TFDP2: variants seen among roughly 807,000 people sequenced by gnomAD.
TFDP2 encodes the protein transcription factor Dp-2 (E2F dimerization partner 2).
TFDP2 carries 17 observed loss-of-function variants against 59.3 expected under a neutral mutation model. That is an observed-to-expected ratio of 0.29 (90% CI 0.20 to 0.43). TFDP2 has a LOEUF of 0.43. Ranked by LOEUF, TFDP2 falls within the 20% of genes least tolerant of loss-of-function variation. The pLI, the probability that TFDP2 is intolerant of heterozygous loss-of-function variation, is 1.00. For synonymous variants in TFDP2, 180 were observed against 194.7 expected (o/e 0.92, Z 0.63); for missense variants, 391 against 528.8 (o/e 0.74, Z 2.56).
At position 141,952,618 on chromosome 3, in the gene TFDP2, G is replaced by C. The variant is rs777817894; in HGVS notation, c.1236C>G (p.Ser412=). The part of the protein sequence containing the change: ...GQFLAPNSHQ[S]SSAASHCSES... ...CGGAGCAGTGAGAGGCCGCACTGCT[G>C]GACTGGTGACTGTTTGGGGCCAGGA... The change falls in exon 13 of 13, where the codon TCC becomes TCG. Residue 412 remains serine, a synonymous_variant. Coordinates refer to ENST00000489671, the MANE Select transcript of TFDP2 (RefSeq NM_001178139.2). The C allele has an allele frequency of 2.5e-6, 4 of 1,591,432 alleles. No homozygotes were observed. The East Asian group carries it at 8.9e-5, about 36-fold the overall frequency.
chr3:142,094,915 G>A (rs1261932045), intron 2 of TFDP2, among the ~76,000 whole-genome samples: 1 of 152,096 alleles, frequency 6.6e-6, no homozygotes, highest in African/African-American at 2.4e-5. Context: ...AATCTGAAAA[G>A]ATTTTAAAGC....
chr3:142,126,646 T>C (rs530909810), intron 1 of TFDP2, among the ~76,000 whole-genome samples: 14 of 152,212 alleles, frequency 9.2e-5, no homozygotes, highest in Non-Finnish European at 1.9e-4. Flanking sequence ...CCATCCCTTC[T>C]TGAAATTACA....
chr3:141,953,503 C>G (rs1003563082), intron 11 of TFDP2, among the ~76,000 whole-genome samples: 1 of 152,150 alleles, frequency 6.6e-6, no homozygotes, highest in Non-Finnish European at 1.5e-5. Context: ...AAACCCCCGC[C>G]GCAATGTCTT....
At chr3:142,098,844 C>G (rs971735762) in intron 2 of TFDP2, among the ~76,000 whole-genome samples, 2 of 152,198 alleles carry the variant, frequency 1.3e-5, no homozygotes, top group Non-Finnish European at 2.9e-5. Context: ...AGAAGACAGA[C>G]CCCTGACATC....
At chr3:141,994,979 T>G in intron 5 of TFDP2, 41 bp downstream of exon 5, 1 of 1,480,742 alleles carries the variant, frequency 6.8e-7, no homozygotes, top group African/African-American at 1.4e-5. Context: ...TGTCTAAACT[T>G]TTTTTAAGGT....
chr3:142,100,034 T>C (rs576399015), intron 2 of TFDP2, among the ~76,000 whole-genome samples: 1 of 152,230 alleles, frequency 6.6e-6, no homozygotes, highest in East Asian at 1.9e-4. Flanking sequence ...AAAATCTGTA[T>C]CTGCTTCTAG....
chr3:141,974,134 C>T lies in TFDP2; in HGVS notation c.577G>A (p.Ala193Thr). 1 of 1,612,898 alleles carries T rather than the reference C, an allele frequency of 6.2e-7. No individual in the cohort carries two copies. The highest frequency in any genetic ancestry group is 8.5e-7 in the Non-Finnish European group (1 of 1,179,518). The change falls in exon 8 of 13, where the codon GCA (alanine) becomes ACA (threonine). Residue 193 changes from alanine to threonine, a missense_variant. This residue lies in a region of TFDP2 where 6 missense variants were observed against 29.4 expected (regional missense o/e 0.20). Transcript: ENST00000489671. Reference sequence around the variant, plus strand: ...TTTTCCTTTGAAATTATGTTCATTGCCATTAGCACATTTAAAGCATCATAA... The same window carrying T: ...TTTTCCTTTGAAATTATGTTCATTGTCATTAGCACATTTAAAGCATCATAA... ...RVYDALNVLM[A>T]MNIISKEKKE...
At position 142,101,811 on chromosome 3, in the gene TFDP2, T is replaced by A; in HGVS notation, c.-62A>T. On this transcript the variant is annotated 5_prime_UTR_variant, in exon 2 of 13. It adds an upstream start codon to the 5' untranslated region. Transcript: ENST00000489671. ...TTAAAAAAATAAAAAGAAAAAAACC[T>A]TCGTCTTCAATAATTCTTTAAAAGA... The A allele has an allele frequency of 9.9e-7, 1 of 1,014,484 alleles. No individual in the cohort carries two copies. Among genetic ancestry groups the A allele is most frequent in the Non-Finnish European group, 1.4e-6 (1 of 737,854 alleles). The allele number at this position is 1,014,484 out of a possible 1,614,324, so 62.8% of individuals were successfully genotyped here.
chr3:142,123,296 G>A (rs2062117129), intron 1 of TFDP2, among the ~76,000 whole-genome samples: 6 of 152,138 alleles, frequency 3.9e-5, no homozygotes, highest in Admixed American at 2.0e-4. Flanking sequence ...CACTGCACCC[G>A]GCTGATTTTT....
At chr3:142,032,711 A>G (rs1946493328) in intron 3 of TFDP2, among the ~76,000 whole-genome samples, 1 of 152,196 alleles carries the variant, frequency 6.6e-6, no homozygotes, top group African/African-American at 2.4e-5. Context: ...AAGAACAGAA[A>G]GTGATTTTCT....
chr3:141,968,623 G>T (rs1283721402), intron 9 of TFDP2, among the ~76,000 whole-genome samples: 20 of 77,956 alleles, frequency 2.6e-4, no homozygotes, highest in South Asian at 7.4e-4. Context: ...CTCATATATA[G>T]ATATATATAA....
At chr3:141,968,346 C>CA (rs1367814761) in intron 9 of TFDP2, among the ~76,000 whole-genome samples, 57 of 99,436 alleles carry the variant, frequency 5.7e-4, no homozygotes, top group Non-Finnish European at 7.5e-4. Context: ...TAATATATAA[C>CA]TATATATAAC....
intron 11 of TFDP2, among the ~76,000 whole-genome samples, chr3:141,956,781 C>T (rs565361453): frequency 2.0e-5 from 3 of 151,856 alleles, no homozygotes; most frequent in Non-Finnish European, 2.9e-5. Context: ...AAGATTTAAC[C>T]GGGCATGGTG....
At chr3:141,979,733 T>C (rs1378832861) in intron 6 of TFDP2, among the ~76,000 whole-genome samples, 6 of 151,786 alleles carry the variant, frequency 4.0e-5, no homozygotes, top group Non-Finnish European at 7.4e-5. Context: ...GGATTACAGG[T>C]GTGCACCACC....
chr3:142,104,411 A>G (rs1003519664), intron 1 of TFDP2, among the ~76,000 whole-genome samples: 1 of 152,212 alleles, frequency 6.6e-6, no homozygotes, highest in Non-Finnish European at 1.5e-5. Flanking sequence ...AGATCTATAC[A>G]GAATTCTGTA....
intron 1 of TFDP2, among the ~76,000 whole-genome samples, chr3:142,144,807 T>C (rs949282761): frequency 2.0e-5 from 3 of 152,220 alleles, no homozygotes; most frequent in African/African-American, 4.8e-5. Context: ...CCCAAAGCAC[T>C]GGGATTATAG....
chr3:142,014,863 C>T (rs1350831413), intron 3 of TFDP2, among the ~76,000 whole-genome samples: 1 of 152,186 alleles, frequency 6.6e-6, no homozygotes, highest in African/African-American at 2.4e-5. Context: ...CAGTTACCAA[C>T]TAATTTGTTG....
At chr3:141,958,665 T>G (rs1008735464) in intron 11 of TFDP2, among the ~76,000 whole-genome samples, 1 of 152,172 alleles carries the variant, frequency 6.6e-6, no homozygotes, top group African/African-American at 2.4e-5. Context: ...TCTACAGACG[T>G]AAACAACCTT....
chr3:142,114,467 T>A (rs1326396141), intron 1 of TFDP2, among the ~76,000 whole-genome samples: 1 of 152,166 alleles, frequency 6.6e-6, no homozygotes, highest in Non-Finnish European at 1.5e-5. Flanking sequence ...AACAATTGCC[T>A]TGTTTGCATA....
Sources: allele counts gnomAD v4.1 joint callset (sites outside exome capture counted in the v4.1 genomes callset), GRCh38; gene constraint gnomAD v4.1.1; regional missense constraint gnomAD v4.1.1; transcripts MANE v1.5; gene names NCBI Gene and HGNC (gene_info 2026-07-23, HGNC 2026-07-21).